WDR41: variants seen among roughly 807,000 people sequenced by gnomAD.
The protein encoded by WDR41 is WD repeat-containing protein 41.
In WDR41, 63 loss-of-function variants were observed where a neutral mutation model predicts 69.3. That is an observed-to-expected ratio of 0.91 (90% CI 0.74 to 1.12). The LOEUF (loss-of-function observed/expected upper bound fraction) is 1.12, where lower values mean the gene tolerates loss of function less well. Ranked by LOEUF, WDR41 falls within the 50% of genes most tolerant of loss-of-function variation. The pLI is 0.00. For synonymous variants in WDR41, 185 were observed against 192.1 expected, an observed-to-expected ratio of 0.96 and a Z score of 0.31; for missense variants, 543 against 534.5, an observed-to-expected ratio of 1.02 and a Z score of -0.16.
intron 1 of WDR41, among the ~76,000 whole-genome samples, chr5:77,549,077 A>C (rs571100704): frequency 1.3e-5 from 2 of 152,008 alleles, no homozygotes; most frequent in South Asian, 4.2e-4. Context: ...GTGGGAGCTA[A>C]GCTATGAGGA....
intron 1 of WDR41, among the ~76,000 whole-genome samples, chr5:77,608,339 T>C (rs1193231567): frequency 6.6e-6 from 1 of 152,206 alleles, no homozygotes; most frequent in East Asian, 1.9e-4. Context: ...CACTTCAACA[T>C]TAGATCCCTG....
At position 77,443,876 on chromosome 5, in the gene WDR41, CTTTTTTTTTT is replaced by C. The variant is rs746105630; in HGVS notation, c.698-2889_698-2880del. On this transcript the variant is annotated intron_variant, in intron 8 of 12. Transcript: ENST00000296679. ...AATACGGCATTCAGCTCAATCAGCA[CTTTTTTTTTT>C]TTTTTTTTTTTTTTGAAATGAAGTC... is the stretch of plus-strand genomic sequence containing the variant. Among the ~76,000 whole-genome samples, 10 of 105,028 alleles carry C rather than the reference CTTTTTTTTTT, an allele frequency of 9.5e-5. No homozygotes were observed. In the East Asian group the frequency reaches 2.2e-3, roughly 23 times the overall value. 68.9% of individuals were successfully genotyped at this position (105,028 alleles called of 152,430 possible).
chr5:77,478,103 C>A (rs1414218414), intron 2 of WDR41, among the ~76,000 whole-genome samples: 7 of 152,148 alleles, frequency 4.6e-5, no homozygotes, highest in African/African-American at 1.4e-4. Flanking sequence ...TCGACACATA[C>A]ACCCTCCCAA....
intron 1 of WDR41, among the ~76,000 whole-genome samples, chr5:77,567,107 C>T (rs1000233677): frequency 1.3e-5 from 2 of 152,102 alleles, no homozygotes; most frequent in African/African-American, 2.4e-5. Context: ...ACACTGATAT[C>T]GGCTTCCACA....
chr5:77,541,111 G>A (rs1579999954), intron 1 of WDR41, among the ~76,000 whole-genome samples: 1 of 152,172 alleles, frequency 6.6e-6, no homozygotes, highest in South Asian at 2.1e-4. Context: ...GTAATCTCAG[G>A]TGGAAAGTCT....
intron 1 of WDR41, among the ~76,000 whole-genome samples, chr5:77,523,626 T>G (rs559181759): frequency 1.3e-5 from 2 of 152,228 alleles, no homozygotes; most frequent in East Asian, 3.9e-4. Context: ...ATATTTGGGT[T>G]TAGTAAGTGT....
intron 1 of WDR41, among the ~76,000 whole-genome samples, chr5:77,561,229 T>C (rs1321947672): frequency 6.6e-6 from 1 of 152,198 alleles, no homozygotes; most frequent in South Asian, 2.1e-4. Flanking sequence ...TGTGATATAA[T>C]TCAATCAGAT....
chr5:77,527,606 T>C (rs1267123847), intron 1 of WDR41, among the ~76,000 whole-genome samples: 2 of 151,810 alleles, frequency 1.3e-5, no homozygotes, highest in Non-Finnish European at 3.0e-5. Context: ...CTTGACCTGA[T>C]TGATATAAAT....
At chr5:77,473,122 C>A (rs1800712487) in intron 2 of WDR41, among the ~76,000 whole-genome samples, 1 of 151,342 alleles carries the variant, frequency 6.6e-6, no homozygotes, top group African/African-American at 2.4e-5. Context: ...TAGAACAGAG[C>A]CCTCAGAAAT....
intron 1 of WDR41, among the ~76,000 whole-genome samples, chr5:77,561,212 A>T (rs1487853810): frequency 6.6e-6 from 1 of 152,150 alleles, no homozygotes; most frequent in Admixed American, 6.5e-5. Flanking sequence ...CCCTCCTCCC[A>T]TATCAGTGTG....
chr5:77,615,241 T>C (rs1744655786), intron 1 of WDR41, among the ~76,000 whole-genome samples: 1 of 152,242 alleles, frequency 6.6e-6, no homozygotes, highest in African/African-American at 2.4e-5. Flanking sequence ...AAACTAACTC[T>C]AAAGACATTT....
At chr5:77,567,052 G>A (rs1415058825) in intron 1 of WDR41, among the ~76,000 whole-genome samples, 1 of 152,130 alleles carries the variant, frequency 6.6e-6, no homozygotes, top group Non-Finnish European at 1.5e-5. Context: ...CTATTAAAAT[G>A]CTAAAAACAA....
intron 2 of WDR41, among the ~76,000 whole-genome samples, chr5:77,472,360 G>T (rs1800665088): frequency 6.6e-6 from 1 of 151,808 alleles, no homozygotes; most frequent in South Asian, 2.1e-4. Context: ...TTGAAAACTG[G>T]CACAAGACAG....
chr5:77,559,183 A>G (rs1268321197), intron 1 of WDR41, among the ~76,000 whole-genome samples: 1 of 152,216 alleles, frequency 6.6e-6, no homozygotes, highest in African/African-American at 2.4e-5. Context: ...GCATTTGCCA[A>G]TTTCTGTCAT....
intron 1 of WDR41, among the ~76,000 whole-genome samples, chr5:77,520,629 ACTC>A (rs1802357234): frequency 6.6e-6 from 1 of 152,014 alleles, no homozygotes; most frequent in Non-Finnish European, 1.5e-5. Context: ...CTCCCTGCAA[ACTC>A]CTCCTCAGCT....
intron 1 of WDR41, chr5:77,540,667 A>C (rs1203820676): frequency 7.1e-6 from 1 of 140,832 alleles, no homozygotes; most frequent in Non-Finnish European, 1.5e-5. Flanking sequence ...TGATCACGCC[A>C]CTGCACTCCA....
intron 2 of WDR41, among the ~76,000 whole-genome samples, chr5:77,475,236 G>A (rs539632681): frequency 6.6e-6 from 1 of 152,214 alleles, no homozygotes; most frequent in Non-Finnish European, 1.5e-5. Context: ...AGCCAGGCTG[G>A]GGGAGGGGCG....
chr5:77,614,655 G>C (rs946407631), intron 1 of WDR41, among the ~76,000 whole-genome samples: 1 of 141,632 alleles, frequency 7.1e-6, no homozygotes, highest in African/African-American at 2.6e-5. Flanking sequence ...GTGGGGTGGG[G>C]GGGGAGGGGG....
intron 4 of WDR41, among the ~76,000 whole-genome samples, chr5:77,461,823 G>A (rs1800079444): frequency 6.7e-6 from 1 of 149,976 alleles, no homozygotes; most frequent in Non-Finnish European, 1.5e-5. Flanking sequence ...GGGCAACAGT[G>A]AGATTCTGTC....
Sources: allele counts gnomAD v4.1 joint callset (sites outside exome capture counted in the v4.1 genomes callset), GRCh38; gene constraint gnomAD v4.1.1; transcripts MANE v1.5; gene names NCBI Gene and HGNC (gene_info 2026-07-23, HGNC 2026-07-21).